PKD1L3: variants seen among roughly 807,000 people sequenced by gnomAD.
PKD1L3 encodes the protein polycystin 1 like 3, transient receptor potential channel interacting.
Under a neutral mutation model 184.1 loss-of-function variants are expected in PKD1L3, and 239 were observed. That is an observed-to-expected ratio of 1.30 (90% CI 1.17 to 1.45). The LOEUF (loss-of-function observed/expected upper bound fraction) is 1.45. Among genes scored for constraint, PKD1L3 ranks in the 40% most tolerant of loss-of-function variants. The probability of loss-of-function intolerance (pLI) is 0.00; values close to 1 mark genes in which losing one functional copy is unlikely to be tolerated. For synonymous variants in PKD1L3, 996 were observed against 778.8 expected (o/e 1.28, Z -4.64); for missense variants, 2,660 against 2,067.2 (o/e 1.29, Z -5.56).
chr16:71,950,022 A>G lies in PKD1L3; in HGVS notation c.3384-5T>C, dbSNP rs796731202. The G allele has an allele frequency of 2.6e-6, 4 of 1,551,492 alleles. No homozygotes were observed. The South Asian group carries it at 4.8e-5, about 18-fold the overall frequency. ...ATGGCAAAACTGGTGACTTCCCTGA[A>G]GCACAAAAGTTGAGGGAATAATCTT... On this transcript the variant is annotated splice_region_variant and splice_polypyrimidine_tract_variant and intron_variant, in intron 20 of 29. Transcript: ENST00000620267.
chr16:71,959,087 A>AG (rs905577605), intron 16 of PKD1L3, among the ~76,000 whole-genome samples: 1 of 147,596 alleles, frequency 6.8e-6, no homozygotes, highest in African/African-American at 2.5e-5. Context: ...CCCGTCTCAA[A>AG]AAAAAAAAAA....
At chr16:71,952,299 G>C (rs942135837) in intron 18 of PKD1L3, among the ~76,000 whole-genome samples, 4 of 134,248 alleles carry the variant, frequency 3.0e-5, no homozygotes, top group Non-Finnish European at 6.1e-5. Context: ...TGCAACCTCC[G>C]CCTCCTGGGT....
chr16:71,978,493 GTGTATATATATATA>G (rs1446920214), intron 9 of PKD1L3, 110 bp from the exon 10 acceptor site: 33 of 119,352 alleles, frequency 2.8e-4, no homozygotes, highest in Admixed American at 5.0e-4. Context: ...GTGTGTGTGT[GTGTATATATATATA>G]TATATATATA....
chr16:71,997,551 C>T (rs1194327893), intron 2 of PKD1L3, among the ~76,000 whole-genome samples: 1 of 152,108 alleles, frequency 6.6e-6, no homozygotes, highest in Non-Finnish European at 1.5e-5. Flanking sequence ...GAGTTCGAGA[C>T]TGGCCTGACC....
At chr16:71,931,568 G>C (rs914600170) in intron 28 of PKD1L3, among the ~76,000 whole-genome samples, 5 of 148,480 alleles carry the variant, frequency 3.4e-5, no homozygotes, top group African/African-American at 1.2e-4. Flanking sequence ...AGGTTCAAGC[G>C]ATTCTCCTCA....
intron 10 of PKD1L3, 32 bp downstream of exon 10, chr16:71,978,220 CTCT>C: frequency 6.5e-7 from 1 of 1,533,278 alleles, no homozygotes; most frequent in Non-Finnish European, 8.8e-7. Context: ...ATATCCCATT[CTCT>C]TCTATTTTAT....
chr16:71,989,194 G>A (rs975555309), intron 4 of PKD1L3, among the ~76,000 whole-genome samples: 11 of 152,100 alleles, frequency 7.2e-5, no homozygotes, highest in Admixed American at 7.2e-4. Context: ...TCCCTCTGTC[G>A]CCCAAGCTGG....
At chr16:71,978,089 T>A (rs1243356755) in intron 10 of PKD1L3, among the ~76,000 whole-genome samples, 166 bp downstream of exon 10, 1 of 152,214 alleles carries the variant, frequency 6.6e-6, no homozygotes, top group Non-Finnish European at 1.5e-5. Flanking sequence ...AAACACTTTT[T>A]CTAAGGATAA....
At position 71,933,792 on chromosome 16, in the gene PKD1L3, T is replaced by G. The variant is rs4788581; in HGVS notation, c.4824+123A>C. 1.3e-5 allele frequency: 15 copies of G among 1,116,554 alleles called. No individual in the cohort carries two copies. The South Asian group carries it at 1.8e-4, about 14-fold the overall frequency. 69.2% of individuals were successfully genotyped at this position (1,116,554 alleles called of 1,614,324 possible). A position where few individuals can be genotyped will look rare whatever the true frequency, so the allele number is the denominator to read the frequency against. ...CATACCAGTTAAGTGTGGAACTAGA[T>G]CTAAACCCGGCTTTCCTACTGTACC... On this transcript the variant is annotated intron_variant, in intron 27 of 29. Coordinates refer to ENST00000620267, the MANE Select transcript of PKD1L3 (RefSeq NM_181536.2).
At chr16:71,975,063 T>G (rs2039867930) in intron 11 of PKD1L3, among the ~76,000 whole-genome samples, 1 of 152,116 alleles carries the variant, frequency 6.6e-6, no homozygotes, top group Non-Finnish European at 1.5e-5. Flanking sequence ...ATCAGGAATT[T>G]TTATTTTTTA....
chr16:71,998,306 C>G lies in PKD1L3; in HGVS notation c.384G>C (p.Lys128Asn), dbSNP rs2040859953. 1 of 1,552,232 alleles carries G rather than the reference C, an allele frequency of 6.4e-7. No individual in the cohort carries two copies. Among genetic ancestry groups the G allele is most frequent in the African/African-American group, 1.4e-5 (1 of 73,162 alleles). Reference sequence around the variant, plus strand: ...AAATGAAATAGTATTTCAGTAAGCACTTGTCCCCTTTGGATGAGATCCGAA... The same window carrying G: ...AAATGAAATAGTATTTCAGTAAGCAGTTGTCCCCTTTGGATGAGATCCGAA... ...NFIRISSKGD[K>N]CLLKYYFICQ... is the part of the protein sequence containing the mutation. The change falls in exon 2 of 30, where the codon AAG (lysine) becomes AAC (asparagine). Residue 128 changes from lysine to asparagine, a missense_variant. By Grantham distance (94) the Lys-to-Asn change is moderately conservative. Transcript: ENST00000620267.
At chr16:71,956,161 C>T (rs998936951) in intron 16 of PKD1L3, among the ~76,000 whole-genome samples, 1 of 135,976 alleles carries the variant, frequency 7.4e-6, no homozygotes, top group South Asian at 2.5e-4. Flanking sequence ...CCTGGCCCAT[C>T]ATTTAGCTTT....
chr16:71,976,373 A>C (rs558185054), intron 11 of PKD1L3, among the ~76,000 whole-genome samples: 1 of 148,096 alleles, frequency 6.8e-6, no homozygotes, highest in Non-Finnish European at 1.5e-5. Context: ...CTTCTGCCTC[A>C]GCCTCCCAAG....
chr16:71,953,680 G>A (rs536540604), intron 17 of PKD1L3, among the ~76,000 whole-genome samples: 12 of 152,054 alleles, frequency 7.9e-5, no homozygotes, highest in Admixed American at 3.3e-4. Context: ...TGCAACCTCC[G>A]CCTCCTGGGT....
In PKD1L3 at chr16:71,970,015, C is replaced by T. The variant is rs367854378; in HGVS notation, c.2044G>A (p.Val682Met). Residue 682 changes from valine to methionine, a missense_variant, in exon 13 of 30, where the codon GTG becomes ATG. Physicochemically the swap from Val to Met is conservative, Grantham distance 21. Transcript: ENST00000620267. ...ASDFFVVPRT[V>M]NVEDTIKLFL... ...AGTTTGATCGTGTCTTCAACATTCA[C>T]GGTCCTGGGCACGACAAAGAAGTCG... is the stretch of plus-strand genomic sequence containing the variant. 43 of 1,551,568 alleles carry T rather than the reference C, an allele frequency of 2.8e-5. No individual in the cohort carries two copies. Among genetic ancestry groups the T allele is most frequent in the African/African-American group, 1.5e-4 (11 of 73,036 alleles).
intron 16 of PKD1L3, among the ~76,000 whole-genome samples, chr16:71,958,134 T>A (rs1424206261): frequency 3.3e-5 from 5 of 151,898 alleles, no homozygotes; most frequent in Non-Finnish European, 7.4e-5. Context: ...ACGCCTGTAA[T>A]CCCAGCACTT....
intron 29 of PKD1L3, 42 bp from the exon 30 acceptor site, chr16:71,929,720 A>AT (rs757631932): frequency 6.8e-7 from 1 of 1,477,468 alleles, no homozygotes; most frequent in South Asian, 1.3e-5. Flanking sequence ...GAAAATTGAA[A>AT]TTACTGCTAA....
rs1555523481 is a variant in PKD1L3, at chr16:71,977,560, C to CTTTTTTTTTTTTTTTTTTTTTTT, written c.1528-94_1528-93insAAAAAAAAAAAAAAAAAAAAAAA. ...GATAAGGTAAGGAAACGTCCTAGCT[C>CTTTTTTTTTTTTTTTTTTTTTTT]TTTTTTTTTTTTTTTTTTTTGAGAT... On this transcript the variant is annotated intron_variant, in intron 10 of 29. Transcript: ENST00000620267. 2 of 500,298 alleles carry CTTTTTTTTTTTTTTTTTTTTTTT rather than the reference C, an allele frequency of 4.0e-6. 1 individual carries two copies. Among genetic ancestry groups the CTTTTTTTTTTTTTTTTTTTTTTT allele is most frequent in the Non-Finnish European group, 6.1e-6 (2 of 326,592 alleles). 31.0% of individuals were successfully genotyped at this position (500,298 alleles called of 1,614,324 possible).
intron 6 of PKD1L3, among the ~76,000 whole-genome samples, chr16:71,983,445 C>G (rs1210280086): frequency 6.6e-6 from 1 of 152,174 alleles, no homozygotes; most frequent in Admixed American, 6.6e-5. Flanking sequence ...ATGTGTTCCA[C>G]TGAATGCCGA....
Sources: allele counts gnomAD v4.1 joint callset (sites outside exome capture counted in the v4.1 genomes callset), GRCh38; gene constraint gnomAD v4.1.1; transcripts MANE v1.5; gene names NCBI Gene and HGNC (gene_info 2026-07-23, HGNC 2026-07-21).